The following RP1L1 variants were observed in gnomAD, a reference collection of about 807,000 sequenced individuals.
RP1L1 encodes RP1 like 1.
RP1L1 carries 27 observed loss-of-function variants against 15.7 expected under a neutral mutation model. The ratio of observed to expected loss-of-function variants is 1.72; its 90% CI spans 1.27 to 2.38. RP1L1 has a LOEUF of 2.38. RP1L1 is among the 30% of genes most tolerant of loss of function. The pLI is 0.00. For missense variants in RP1L1, 4,798 were observed against 3,075.9 expected (o/e 1.56, Z -13.24); for synonymous variants, 1,813 against 1,276.7 (o/e 1.42, Z -8.96).
At chr8:10,650,466 A>T (rs1488089484) in intron 1 of RP1L1, among the ~76,000 whole-genome samples, 1 of 152,124 alleles carries the variant, frequency 6.6e-6, no homozygotes, top group Non-Finnish European at 1.5e-5. Context: ...CTGTCACGTG[A>T]CCAAGGCTGG....
At chr8:10,642,443 C>A (rs1462442538) in intron 1 of RP1L1, among the ~76,000 whole-genome samples, 1 of 152,182 alleles carries the variant, frequency 6.6e-6, no homozygotes. Flanking sequence ...TTGCTTCTTC[C>A]AGATGCCTGG....
chr8:10,611,628 G>A lies in RP1L1; in HGVS notation c.2470C>T (p.His824Tyr). 2 of 1,612,884 alleles carry A rather than the reference G, an allele frequency of 1.2e-6. No individual in the cohort carries two copies. The highest frequency in any genetic ancestry group is 1.7e-6 in the Non-Finnish European group (2 of 1,179,842). ...EQGAVGPHRS[H>Y]CCSQPGTQPA... ...TGCGTCCCAGGCTGTGAGCAGCAGT[G>A]GCTTCGGTGGGGGCCCACCGCCCCT... Residue 824 changes from histidine to tyrosine, a missense_variant, in exon 4 of 4, where the codon CAC (histidine) becomes TAC (tyrosine). Transcript: ENST00000382483.
intron 1 of RP1L1, among the ~76,000 whole-genome samples, 167 bp from the exon 2 acceptor site, chr8:10,623,387 T>C (rs1798105153): frequency 6.6e-6 from 1 of 152,162 alleles, no homozygotes; most frequent in African/African-American, 2.4e-5. Flanking sequence ...AGGACAAAAG[T>C]TGGGCATGGG....
At position 10,623,137 on chromosome 8, in the gene RP1L1, G is replaced by T. The variant is rs1262143272; in HGVS notation, c.65C>A (p.Ala22Asp). ...GACCTTGGTGACCGAGGGGGTGCGA[G>T]CCACAGAGGGCAGGAAGCACTCACG... ...SHRECFLPSVARTPSVTKVTP... is the reference protein window; with the variant it reads ...SHRECFLPSVDRTPSVTKVTP... The change falls in exon 2 of 4, where the codon GCT becomes GAT. Residue 22 changes from alanine (A) to aspartate (D), a missense_variant. Ala to Asp is a moderately radical substitution (Grantham distance 126). Coordinates refer to ENST00000382483, the MANE Select transcript of RP1L1 (RefSeq NM_178857.6). 2 of 1,607,424 alleles carry T rather than the reference G, an allele frequency of 1.2e-6. No homozygotes were observed. The highest frequency in any genetic ancestry group is 1.7e-6 in the Non-Finnish European group (2 of 1,176,588).
chr8:10,625,389 G>A (rs772294908), intron 1 of RP1L1, among the ~76,000 whole-genome samples: 14 of 152,074 alleles, frequency 9.2e-5, no homozygotes, highest in East Asian at 1.9e-4. Context: ...TTCGGGATGC[G>A]AGGAAATGCT....
In RP1L1 at chr8:10,609,130, G is replaced by C. The variant is rs1227146357; in HGVS notation, c.4968C>G (p.Phe1656Leu). Reference protein sequence around the residue: ...QLGEEAEGEEFCPCEACVRKK... With the variant: ...QLGEEAEGEELCPCEACVRKK... ...TCCTCACGCAGGCCTCGCAGGGACA[G>C]AACTCCTCCCCCTCCGCCTCCTCGC... Residue 1656 changes from phenylalanine to leucine, a missense_variant, in exon 4 of 4, where the codon TTC becomes TTG. Coordinates refer to ENST00000382483, the MANE Select transcript of RP1L1 (RefSeq NM_178857.6). 2 of 1,613,610 alleles carry C rather than the reference G, an allele frequency of 1.2e-6. No homozygotes were observed. Among genetic ancestry groups the C allele is most frequent in the African/African-American group, 1.3e-5 (1 of 74,922 alleles).
At chr8:10,630,880 G>A (rs1178616528) in intron 1 of RP1L1, among the ~76,000 whole-genome samples, 2 of 152,234 alleles carry the variant, frequency 1.3e-5, no homozygotes, top group Non-Finnish European at 2.9e-5. Context: ...ATAAGAGACT[G>A]GTCATCGCAG....
At chr8:10,640,435 A>G (rs1285137689) in intron 1 of RP1L1, among the ~76,000 whole-genome samples, 1 of 152,156 alleles carries the variant, frequency 6.6e-6, no homozygotes, top group Non-Finnish European at 1.5e-5. Context: ...TGAGGAAGGC[A>G]GATCACTTGA....
chr8:10,640,157 G>A (rs1399337151), intron 1 of RP1L1, among the ~76,000 whole-genome samples: 4 of 152,168 alleles, frequency 2.6e-5, no homozygotes, highest in Non-Finnish European at 5.9e-5. Flanking sequence ...CCTTACACTG[G>A]CCCAAGGGGT....
intron 1 of RP1L1, among the ~76,000 whole-genome samples, chr8:10,642,064 A>G (rs1798415186): frequency 6.6e-6 from 1 of 152,170 alleles, no homozygotes; most frequent in Non-Finnish European, 1.5e-5. Context: ...CTATAGTTTT[A>G]CAAGACGTTA....
At position 10,611,255 on chromosome 8, in the gene RP1L1, A is replaced by G. The variant is rs1243465501; in HGVS notation, c.2843T>C (p.Leu948Pro). The change falls in exon 4 of 4, where the codon CTG becomes CCG. Residue 948 changes from leucine to proline, a missense_variant. Transcript: ENST00000382483. ...CACAGCCTCTGGAGACGAGCGGGGCAGAGAGCTGGGTGACACACCACTGGC... is the reference window on the plus strand; with the variant it reads ...CACAGCCTCTGGAGACGAGCGGGGCGGAGAGCTGGGTGACACACCACTGGC... ...EEASGVSPSSLPRSSPEAVVR... is the reference protein window; with the variant it reads ...EEASGVSPSSPPRSSPEAVVR... 1.9e-6 allele frequency: 3 copies of G among 1,612,816 alleles called. No individual in the cohort carries two copies. Among genetic ancestry groups the G allele is most frequent in the South Asian group, 1.1e-5 (1 of 91,078 alleles).
chr8:10,653,290 G>T (rs1334188378), intron 1 of RP1L1, among the ~76,000 whole-genome samples: 1 of 152,134 alleles, frequency 6.6e-6, no homozygotes, highest in Non-Finnish European at 1.5e-5. Context: ...GCATGCACAG[G>T]CCATCGAGCT....
chr8:10,634,345 G>A (rs899821560), intron 1 of RP1L1, among the ~76,000 whole-genome samples: 2 of 152,172 alleles, frequency 1.3e-5, no homozygotes, highest in Non-Finnish European at 2.9e-5. Context: ...GCAAGAGGCT[G>A]CAACACGGAC....
intron 1 of RP1L1, among the ~76,000 whole-genome samples, chr8:10,633,034 T>C (rs751107472): frequency 6.6e-6 from 1 of 152,146 alleles, no homozygotes; most frequent in Non-Finnish European, 1.5e-5. Flanking sequence ...GTCTGCACCA[T>C]GGGGTTTATG....
Position 10,610,922 on chromosome 8 carries a change from C to A in RP1L1, c.3176G>T (p.Gly1059Val). Reference sequence around the variant, plus strand: ...GCCTGCTGGGGCCTCTCTGTCTGCTCCGGCCTCTGCAGGGGCCTCGGAAAC... The same window carrying A: ...GCCTGCTGGGGCCTCTCTGTCTGCTACGGCCTCTGCAGGGGCCTCGGAAAC... ...EGVSEAPAEA[G>V]ADREAPAGCR... Residue 1059 changes from glycine (G) to valine (V), a missense_variant, in exon 4 of 4, where the codon GGA becomes GTA. Gly to Val is a moderately radical substitution (Grantham distance 109). Coordinates refer to ENST00000382483, the MANE Select transcript of RP1L1 (RefSeq NM_178857.6). The A allele has an allele frequency of 3.7e-6, 6 of 1,610,972 alleles. No homozygotes were observed. Among genetic ancestry groups the A allele is most frequent in the Non-Finnish European group, 5.1e-6 (6 of 1,179,244 alleles).
At chr8:10,624,457 G>A (rs548540701) in intron 1 of RP1L1, among the ~76,000 whole-genome samples, 1 of 152,316 alleles carries the variant, frequency 6.6e-6, no homozygotes, top group East Asian at 1.9e-4. Flanking sequence ...GCAGGTCAAG[G>A]AAGTCCTCCT....
chr8:10,616,524 A>T lies in RP1L1; in HGVS notation c.673T>A (p.Phe225Ile). 2 of 1,614,150 alleles carry T rather than the reference A, an allele frequency of 1.2e-6. No individual in the cohort carries two copies. Among genetic ancestry groups the T allele is most frequent in the Non-Finnish European group, 1.7e-6 (2 of 1,180,028 alleles). Reference sequence around the variant, plus strand: ...GCATTTTTCATGGCTGGGGTTCTGAAGGCCTCATGCCCGGCACACACCAGC... The same window carrying T: ...GCATTTTTCATGGCTGGGGTTCTGATGGCCTCATGCCCGGCACACACCAGC... Reference protein sequence around the residue: ...SVLVCAGHEAFRTPAMKNARR... With the variant: ...SVLVCAGHEAIRTPAMKNARR... The change falls in exon 3 of 4, where the codon TTC (phenylalanine) becomes ATC (isoleucine). Residue 225 changes from phenylalanine (F) to isoleucine (I), a missense_variant. Phe to Ile is a conservative substitution (Grantham distance 21). Transcript: ENST00000382483.
intron 1 of RP1L1, among the ~76,000 whole-genome samples, chr8:10,647,333 T>C (rs1268221301): frequency 6.6e-6 from 1 of 152,220 alleles, no homozygotes; most frequent in Non-Finnish European, 1.5e-5. Context: ...TTTTTTTAAT[T>C]GTGGTAAAGT....
At chr8:10,641,295 A>G (rs560342383) in intron 1 of RP1L1, among the ~76,000 whole-genome samples, 76 of 152,306 alleles carry the variant, frequency 5.0e-4, no homozygotes, top group Middle Eastern at 3.4e-3. Context: ...GGAGAGCCCA[A>G]ATCCTAGAGC....
Sources: gnomAD v4.1 joint callset for allele counts (sites outside exome capture counted in the v4.1 genomes callset) on GRCh38, gnomAD v4.1.1 for gene constraint, MANE v1.5 for transcripts, NCBI Gene and HGNC (gene_info 2026-07-23, HGNC 2026-07-21) for gene names.